The following GLYATL3 variants were observed in gnomAD, a reference collection of about 807,000 sequenced individuals.
GLYATL3 encodes the protein glycine N-acyltransferase-like protein 3.
Under a neutral mutation model 28.5 loss-of-function variants are expected in GLYATL3, and 31 were observed. The ratio of observed to expected loss-of-function variants is 1.09; its 90% CI spans 0.82 to 1.47. The LOEUF (loss-of-function observed/expected upper bound fraction) is 1.47. Among genes scored for constraint, GLYATL3 ranks in the 40% most tolerant of loss-of-function variants. The pLI, the probability that GLYATL3 is intolerant of heterozygous loss-of-function variation, is 0.00. For missense variants in GLYATL3, 369 were observed against 351.5 expected, an observed-to-expected ratio of 1.05 and a Z score of -0.40; for synonymous variants, 141 against 140.2, an observed-to-expected ratio of 1.01 and a Z score of -0.04.
At position 49,526,579 on chromosome 6, in the gene GLYATL3, C is replaced by T. The variant is rs1209767287; in HGVS notation, c.532C>T (p.Leu178Phe). 6.4e-7 allele frequency: 1 copy of T among 1,551,908 alleles called. No individual in the cohort carries two copies. Among genetic ancestry groups the T allele is most frequent in the Admixed American group, 2.0e-5 (1 of 51,008 alleles). ...TWSRGGNEQC[L>F]RYIANLISCF... Reference sequence around the variant, plus strand: ...GTCCCGGGGAGGCAATGAACAATGTCTCCGGTACATCGCCAACCTCATCTC... The same window carrying T: ...GTCCCGGGGAGGCAATGAACAATGTTTCCGGTACATCGCCAACCTCATCTC... Residue 178 changes from leucine (L) to phenylalanine (F), a missense_variant, in exon 6 of 6, where the codon CTC becomes TTC. Transcript: ENST00000371197.
intron 5 of GLYATL3, among the ~76,000 whole-genome samples, chr6:49,523,789 G>C (rs1212029979): frequency 6.6e-6 from 1 of 152,110 alleles, no homozygotes; most frequent in Non-Finnish European, 1.5e-5. Flanking sequence ...TAATACATCT[G>C]AAGTTTCCTT....
rs943050746 is a variant in GLYATL3, at chr6:49,515,995, C to T, written c.186+235C>T. ...TGTCACCCAGACTAGAGTGCAGTGG[C>T]ATGATCTCAGCTCATTGTAATCTCC... On this transcript the variant is annotated intron_variant, in intron 3 of 5. Coordinates refer to ENST00000371197, the MANE Select transcript of GLYATL3 (RefSeq NM_001010904.2). Among the ~76,000 whole-genome samples, 24 of 141,160 alleles carry T rather than the reference C, an allele frequency of 1.7e-4. No homozygotes were observed. In the East Asian group the frequency reaches 5.0e-3, roughly 29 times the overall value. 92.6% of individuals were successfully genotyped at this position (141,160 alleles called of 152,430 possible). A position where few individuals can be genotyped will look rare whatever the true frequency, so the allele number is the denominator to read the frequency against.
In GLYATL3 at chr6:49,527,407, T is replaced by A. The variant is rs1769441570; in HGVS notation, c.*493T>A. 6.6e-6 allele frequency among the ~76,000 whole-genome samples: 1 copy of A among 152,164 alleles called. No individual in the cohort carries two copies. Among genetic ancestry groups the A allele is most frequent in the African/African-American group, 2.4e-5 (1 of 41,436 alleles). The stretch of plus-strand genomic sequence containing the variant: ...CCACCAAGTTCTCTGTAGAGTAACC[T>A]CCTTTTTCCCCTTTAATTACTTGCT... On this transcript the variant is annotated 3_prime_UTR_variant, in exon 6 of 6. Transcript: ENST00000371197.
rs536091183 is a variant in GLYATL3, at chr6:49,503,400, T to C, written c.-29+3358T>C. ...TAATTCTGAATGTTCAGGTCCTAAG[T>C]GGGGAACAATGAGCCTTGGCTTTGG... On this transcript the variant is annotated intron_variant, in intron 1 of 5. Transcript: ENST00000371197. Among the ~76,000 whole-genome samples, 578 of 152,322 alleles carry C rather than the reference T, an allele frequency of 3.8e-3. 1 individual carries two copies. Among genetic ancestry groups the C allele is most frequent in the African/African-American group, 0.013 (557 of 41,580 alleles).
At chr6:49,502,413 G>T (rs919681450) in intron 1 of GLYATL3, among the ~76,000 whole-genome samples, 1 of 152,136 alleles carries the variant, frequency 6.6e-6, no homozygotes, top group Non-Finnish European at 1.5e-5. Context: ...GCTTGCTTAT[G>T]TCTAAACTTA....
In GLYATL3 at chr6:49,503,252, T is replaced by C. The variant is rs572163234; in HGVS notation, c.-29+3210T>C. ...CGATTGCCATAGTGATATTTTTGGCTGTGTGAAAATAGTAGTGTAAATCAA... is the reference window on the plus strand; with the variant it reads ...CGATTGCCATAGTGATATTTTTGGCCGTGTGAAAATAGTAGTGTAAATCAA... On this transcript the variant is annotated intron_variant, in intron 1 of 5. Coordinates refer to ENST00000371197, the MANE Select transcript of GLYATL3 (RefSeq NM_001010904.2). 1.0e-3 allele frequency among the ~76,000 whole-genome samples: 155 copies of C among 152,348 alleles called. 1 individual carries two copies. Among genetic ancestry groups the C allele is most frequent in the Middle Eastern group, 3.4e-3 (1 of 294 alleles).
rs1231379433 is a variant in GLYATL3, at chr6:49,527,069, A to G, written c.*155A>G. On this transcript the variant is annotated 3_prime_UTR_variant, in exon 6 of 6. Transcript: ENST00000371197. Reference sequence around the variant, plus strand: ...TACAGGATCCACTTGAGAAGCCTTAATTTTTCGTATCTCAGGTTTCTCCAG... The same window carrying G: ...TACAGGATCCACTTGAGAAGCCTTAGTTTTTCGTATCTCAGGTTTCTCCAG... The G allele has an allele frequency of 3.0e-5, 18 of 590,800 alleles. No individual in the cohort carries two copies. The highest frequency in any genetic ancestry group is 5.2e-5 in the Non-Finnish European group (18 of 345,390). The allele number at this position is 590,800 out of a possible 1,614,324, so 36.6% of individuals were successfully genotyped here.
intron 4 of GLYATL3, 77 bp downstream of exon 4, chr6:49,517,633 T>G: frequency 9.7e-7 from 1 of 1,030,306 alleles, no homozygotes; most frequent in Non-Finnish European, 1.4e-6. Context: ...TTATAGATAT[T>G]TCATATATAT....
rs1769453481 is a variant in GLYATL3, at chr6:49,527,951, T to G, written c.*1037T>G. On this transcript the variant is annotated 3_prime_UTR_variant, in exon 6 of 6. Coordinates refer to ENST00000371197, the MANE Select transcript of GLYATL3 (RefSeq NM_001010904.2). ...AATGACTTTTTCAAGATTATATTCT[T>G]TATAATCAGTACTGGAGGCAAAGCC... Among the ~76,000 whole-genome samples the G allele has an allele frequency of 6.6e-6, 1 of 152,206 alleles. No individual in the cohort carries two copies. Among genetic ancestry groups the G allele is most frequent in the Non-Finnish European group, 1.5e-5 (1 of 68,038 alleles).
intron 5 of GLYATL3, 120 bp from the exon 6 acceptor site, chr6:49,526,368 A>G: frequency 1.3e-6 from 1 of 778,422 alleles, no homozygotes; most frequent in Non-Finnish European, 2.1e-6. Context: ...AGCAGAGATC[A>G]CGCCACTGCA....
intron 1 of GLYATL3, among the ~76,000 whole-genome samples, chr6:49,507,030 C>T (rs769957789): frequency 1.4e-4 from 22 of 152,002 alleles, no homozygotes; most frequent in African/African-American, 1.9e-4. Flanking sequence ...GAGGGGGCAA[C>T]GGCTTAGTAG....
intron 5 of GLYATL3, among the ~76,000 whole-genome samples, chr6:49,523,299 C>G (rs750635066): frequency 6.6e-6 from 1 of 152,218 alleles, no homozygotes; most frequent in Non-Finnish European, 1.5e-5. Flanking sequence ...CTCAAGCAAT[C>G]CTCCTGTCAG....
intron 2 of GLYATL3, among the ~76,000 whole-genome samples, chr6:49,513,184 A>G (rs1480614): frequency 0.62 from 93,976 of 152,010 alleles, 31,005 homozygotes; most frequent in Non-Finnish European, 0.76. Context: ...ATACAGTTTC[A>G]TTTATTTAAA....
chr6:49,505,865 G>T (rs1295599217), intron 1 of GLYATL3, among the ~76,000 whole-genome samples: 2 of 152,172 alleles, frequency 1.3e-5, no homozygotes, highest in Non-Finnish European at 1.5e-5. Flanking sequence ...GTAGGAGAGT[G>T]GATGGAAGGA....
Position 49,524,000 on chromosome 6 carries a change from CTT to C in GLYATL3, c.440+2242_440+2243del, listed in dbSNP as rs67853821. Among the ~76,000 whole-genome samples the C allele has an allele frequency of 6.4e-4, 93 of 145,324 alleles. 1 individual carries two copies. The highest frequency in any genetic ancestry group is 1.1e-3 in the African/African-American group (42 of 39,700). ...TTCTGCATACAGTTAGACATTTTGT[CTT>C]TTTTTTTTTTTTCTTAACTTCCCAC... On this transcript the variant is annotated intron_variant, in intron 5 of 5. Coordinates refer to ENST00000371197, the MANE Select transcript of GLYATL3 (RefSeq NM_001010904.2).
intron 2 of GLYATL3, among the ~76,000 whole-genome samples, chr6:49,512,878 T>A (rs1467376982): frequency 6.6e-6 from 1 of 152,236 alleles, no homozygotes; most frequent in African/African-American, 2.4e-5. Context: ...CTATACTGTG[T>A]GAATTAAATC....
At chr6:49,512,179 C>G (rs1194038496) in intron 2 of GLYATL3, 111 bp downstream of exon 2, 7 of 517,812 alleles carry the variant, frequency 1.4e-5, no homozygotes, top group Non-Finnish European at 2.0e-5. Context: ...TCTCTAGGAG[C>G]ACTTGTTAAA....
At chr6:49,523,584 C>T (rs1302645358) in intron 5 of GLYATL3, among the ~76,000 whole-genome samples, 2 of 152,330 alleles carry the variant, frequency 1.3e-5, no homozygotes, top group African/African-American at 2.4e-5. Context: ...AACCAAGGGT[C>T]AACCTTGCAA....
At chr6:49,520,213 C>G (rs758725265) in intron 4 of GLYATL3, among the ~76,000 whole-genome samples, 1 of 140,372 alleles carries the variant, frequency 7.1e-6, no homozygotes, top group Non-Finnish European at 1.5e-5. Context: ...GTGTTTTAAA[C>G]AAATAAACTG....
Sources: allele counts gnomAD v4.1 joint callset (sites outside exome capture counted in the v4.1 genomes callset), GRCh38; gene constraint gnomAD v4.1.1; transcripts MANE v1.5; gene names NCBI Gene and HGNC (gene_info 2026-07-23, HGNC 2026-07-21).